Variants in ERC1 observed in about 807,000 individuals in gnomAD.
ERC1 encodes ELKS/RAB6-interacting/CAST family member 1.
A neutral mutation model predicts 132.0 loss-of-function variants in ERC1; 56 were observed. That is an observed-to-expected ratio of 0.42 (90% confidence interval 0.34 to 0.53). ERC1 has a LOEUF of 0.53. Among genes scored for constraint, ERC1 ranks in the 20% least tolerant of loss-of-function variants. ERC1 has a pLI of 0.03. For synonymous variants in ERC1, 478 were observed against 476.1 expected, an observed-to-expected ratio of 1.00 and a Z score of -0.05; for missense variants, 1,202 against 1,349.9, an observed-to-expected ratio of 0.89 and a Z score of 1.72.
intron 6 of ERC1, among the ~76,000 whole-genome samples, chr12:1,114,198 A>G (rs1380516900): frequency 6.6e-6 from 1 of 151,590 alleles, no homozygotes; most frequent in African/African-American, 2.4e-5. Context: ...TGATTTTTGT[A>G]TTTTTAGTAG....
At chr12:1,255,726 G>A (rs1223088164) in intron 13 of ERC1, among the ~76,000 whole-genome samples, 6 of 140,810 alleles carry the variant, frequency 4.3e-5, no homozygotes, top group South Asian at 2.5e-4. Flanking sequence ...TCTGCCTCCC[G>A]GGTTCACGCC....
chr12:1,373,184 ATTAT>A (rs890198613), intron 16 of ERC1, among the ~76,000 whole-genome samples: 1 of 152,228 alleles, frequency 6.6e-6, no homozygotes, highest in Non-Finnish European at 1.5e-5. Context: ...GAATGTGCTT[ATTAT>A]GAAAGACATC....
At position 1,027,986 on chromosome 12, in the gene ERC1, C is replaced by T; in HGVS notation, c.83C>T (p.Pro28Leu). 6.2e-7 allele frequency: 1 copy of T among 1,614,190 alleles called. No homozygotes were observed. Among genetic ancestry groups the T allele is most frequent in the East Asian group, 2.2e-5 (1 of 44,886 alleles). The change falls in exon 2 of 19, where the codon CCT (proline) becomes CTT (leucine). Residue 28 changes from proline (P) to leucine (L), a missense_variant. Physicochemically the swap from Pro to Leu is moderately conservative, Grantham distance 98. Coordinates refer to ENST00000360905, the MANE Select transcript of ERC1 (RefSeq NM_178040.4). ...PGRSPRLPRS[P>L]RLGHRRTNST... Reference sequence around the variant, plus strand: ...CGTTCACCCAGGCTTCCACGTTCCCCTCGCTTGGGTCACCGTCGAACCAAC... The same window carrying T: ...CGTTCACCCAGGCTTCCACGTTCCCTTCGCTTGGGTCACCGTCGAACCAAC...
intron 7 of ERC1, among the ~76,000 whole-genome samples, chr12:1,139,307 G>A (rs773074787): frequency 1.3e-5 from 2 of 152,086 alleles, no homozygotes; most frequent in Non-Finnish European, 2.9e-5. Flanking sequence ...GTCACTAGTA[G>A]CTGTCTCGTT....
At chr12:1,174,508 C>T (rs1402899353) in intron 8 of ERC1, among the ~76,000 whole-genome samples, 2 of 152,228 alleles carry the variant, frequency 1.3e-5, no homozygotes. Flanking sequence ...CTGAGTATAT[C>T]AGCAGAAGTG....
chr12:1,481,404 G>A (rs1414284064), intron 18 of ERC1, among the ~76,000 whole-genome samples: 1 of 152,224 alleles, frequency 6.6e-6, no homozygotes, highest in Non-Finnish European at 1.5e-5. Flanking sequence ...ACTTCAGAAT[G>A]ACTAAAGCTT....
At chr12:1,138,088 A>G (rs1432846391) in intron 7 of ERC1, among the ~76,000 whole-genome samples, 2 of 127,680 alleles carry the variant, frequency 1.6e-5, no homozygotes, top group African/African-American at 3.1e-5. Context: ...TATATATAAT[A>G]TATAATCCAT....
chr12:1,180,686 C>T lies in ERC1; in HGVS notation c.1875+9C>T, dbSNP rs760243079. The stretch of plus-strand genomic sequence containing the variant: ...AGGCCCTTGCAGAGAAAGTGAGTGG[C>T]TGGCCCCAACTCTCCACACACGTTT... On this transcript the variant is annotated intron_variant, in intron 9 of 18. Transcript: ENST00000360905. 2 of 1,613,914 alleles carry T rather than the reference C, an allele frequency of 1.2e-6. No homozygotes were observed. Among genetic ancestry groups the T allele is most frequent in the East Asian group, 2.2e-5 (1 of 44,886 alleles).
chr12:1,060,688 G>A (rs902649621), intron 2 of ERC1, among the ~76,000 whole-genome samples: 11 of 151,458 alleles, frequency 7.3e-5, no homozygotes, highest in Non-Finnish European at 1.0e-4. Flanking sequence ...CCATGATTCA[G>A]TTACCTTCCC....
chr12:1,442,903 C>A (rs892606883), intron 17 of ERC1, among the ~76,000 whole-genome samples: 5 of 152,090 alleles, frequency 3.3e-5, no homozygotes, highest in African/African-American at 1.2e-4. Context: ...ATGATTACTT[C>A]TTTTTTATTT....
At chr12:1,469,050 T>G (rs1329981498) in intron 18 of ERC1, among the ~76,000 whole-genome samples, 1 of 152,200 alleles carries the variant, frequency 6.6e-6, no homozygotes. Context: ...CAGGAATGCA[T>G]AACAGCAGAT....
At chr12:1,123,424 A>G (rs1419967961) in intron 7 of ERC1, among the ~76,000 whole-genome samples, 1 of 152,164 alleles carries the variant, frequency 6.6e-6, no homozygotes, top group Non-Finnish European at 1.5e-5. Context: ...CAAAATGAAA[A>G]TATAAATCTC....
At chr12:1,083,718 T>C in intron 3 of ERC1, 138 bp downstream of exon 3, 1 of 671,592 alleles carries the variant, frequency 1.5e-6, no homozygotes, top group South Asian at 1.9e-5. Flanking sequence ...TTTAAGTGCG[T>C]CACTGATTTC....
At chr12:1,485,976 G>C (rs2094209200) in intron 18 of ERC1, among the ~76,000 whole-genome samples, 1 of 152,148 alleles carries the variant, frequency 6.6e-6, no homozygotes, top group Admixed American at 6.5e-5. Context: ...GTATAAGCAA[G>C]AATACAACCA....
chr12:1,385,412 A>C (rs925378677), intron 16 of ERC1, among the ~76,000 whole-genome samples: 5 of 151,838 alleles, frequency 3.3e-5, no homozygotes, highest in Non-Finnish European at 7.4e-5. Flanking sequence ...CCTCCCGAGT[A>C]GCTGGGACTA....
At chr12:1,043,508 A>G (rs1434789454) in intron 2 of ERC1, among the ~76,000 whole-genome samples, 3 of 152,196 alleles carry the variant, frequency 2.0e-5, no homozygotes, top group Non-Finnish European at 2.9e-5. Flanking sequence ...ACTGGCTGTT[A>G]GAATAACTGG....
At chr12:1,078,846 G>C (rs1941749583) in intron 2 of ERC1, among the ~76,000 whole-genome samples, 1 of 151,788 alleles carries the variant, frequency 6.6e-6, no homozygotes, top group Admixed American at 6.6e-5. Context: ...GATACATATA[G>C]AAATGATTTG....
chr12:1,419,169 T>C (rs112676437), intron 17 of ERC1, among the ~76,000 whole-genome samples: 1,541 of 152,250 alleles, frequency 0.01, 19 homozygotes, highest in Admixed American at 0.024. Flanking sequence ...AATATTCCCA[T>C]AAGAATATCC....
At chr12:1,017,175 T>G (rs945724081) in intron 1 of ERC1, among the ~76,000 whole-genome samples, 3 of 151,866 alleles carry the variant, frequency 2.0e-5, no homozygotes, top group Non-Finnish European at 4.4e-5. Context: ...TTTTGTATTT[T>G]TAGTAGAGAC....
Sources: gnomAD v4.1 joint callset for allele counts (sites outside exome capture counted in the v4.1 genomes callset) on GRCh38, gnomAD v4.1.1 for gene constraint, MANE v1.5 for transcripts, NCBI Gene and HGNC (gene_info 2026-07-23, HGNC 2026-07-21) for gene names.